The following ACCSL variants were observed in gnomAD, a reference collection of about 807,000 sequenced individuals.
The protein encoded by ACCSL is probable inactive 1-aminocyclopropane-1-carboxylate synthase-like protein 2.
ACCSL carries 55 observed loss-of-function variants against 61.7 expected under a neutral mutation model. The observed-to-expected ratio is 0.89, with a 90% CI of 0.72 to 1.12. The LOEUF (loss-of-function observed/expected upper bound fraction) is 1.12. ACCSL is among the 50% of genes most tolerant of loss of function. ACCSL has a pLI of 0.00. For missense variants in ACCSL, 632 were observed against 698.0 expected, an observed-to-expected ratio of 0.91 and a Z score of 1.07; for synonymous variants, 258 against 264.3, an observed-to-expected ratio of 0.98 and a Z score of 0.23.
the ACCSL span, among the ~76,000 whole-genome samples, chr11:43,932,328 C>T: frequency 6.6e-6 from 1 of 152,074 alleles, no homozygotes; most frequent in Non-Finnish European, 1.5e-5. Context: ...AGTGCAGTGG[C>T]ACAGTCTCAG....
the ACCSL span, among the ~76,000 whole-genome samples, chr11:43,990,998 G>A: frequency 3.3e-5 from 5 of 152,014 alleles, no homozygotes; most frequent in African/African-American, 1.2e-4. Flanking sequence ...TTGAACCCGG[G>A]TAGCAGAGGC....
the ACCSL span, among the ~76,000 whole-genome samples, chr11:43,971,203 C>T: frequency 1.5e-4 from 23 of 149,938 alleles, no homozygotes; most frequent in African/African-American, 5.7e-4. Context: ...CATGGTGGCA[C>T]ATGCCTATAG....
chr11:43,926,755 T>G, the ACCSL span, among the ~76,000 whole-genome samples: 1 of 152,226 alleles, frequency 6.6e-6, no homozygotes, highest in Non-Finnish European at 1.5e-5. Flanking sequence ...CATTGGTGTG[T>G]GTGTGTTTGT....
At chr11:44,040,468 G>T in the ACCSL span, among the ~76,000 whole-genome samples, 1 of 152,070 alleles carries the variant, frequency 6.6e-6, no homozygotes, top group African/African-American at 2.4e-5. Context: ...TAGGTAATAG[G>T]GAATTCCTGG....
the ACCSL span, among the ~76,000 whole-genome samples, chr11:44,012,305 A>G: frequency 1.3e-5 from 2 of 149,238 alleles, no homozygotes; most frequent in African/African-American, 4.9e-5. Context: ...TTTTTTTTTG[A>G]GATAGAGTTT....
the ACCSL span, among the ~76,000 whole-genome samples, chr11:43,942,067 T>C: frequency 2.2e-3 from 303 of 140,690 alleles, no homozygotes; most frequent in African/African-American, 7.7e-3. Context: ...TGTGTGTGTG[T>C]GTGTGTGTGC....
the ACCSL span, among the ~76,000 whole-genome samples, chr11:43,952,594 G>C: frequency 2.2e-4 from 33 of 152,246 alleles, no homozygotes; most frequent in East Asian, 5.0e-3. Flanking sequence ...GGTGCATGCA[G>C]CCCCCAGTCA....
chr11:44,006,132 G>A, the ACCSL span, among the ~76,000 whole-genome samples: 1 of 152,184 alleles, frequency 6.6e-6, no homozygotes, highest in South Asian at 2.1e-4. Context: ...AAAGAACTGG[G>A]CCAGTCCCAG....
the ACCSL span, among the ~76,000 whole-genome samples, chr11:44,013,421 A>C: frequency 4.6e-5 from 7 of 152,092 alleles, no homozygotes; most frequent in African/African-American, 1.7e-4. Context: ...CCTGGATTAC[A>C]GGTGCCCACC....
In ACCSL at chr11:44,052,056, A is replaced by C. The variant is rs74507956; in HGVS notation, c.772+337A>C. Among the ~76,000 whole-genome samples the C allele has an allele frequency of 8.0e-3, 1,226 of 152,332 alleles. 19 individuals carry two copies. The highest frequency in any genetic ancestry group is 0.029 in the African/African-American group (1,185 of 41,562). ...TGGACTCAGACAATATAGATTTCTT[A>C]TCTCTTCAGAAAAAGGCTAATTAGT... On this transcript the variant is annotated intron_variant, in intron 5 of 13. Coordinates refer to ENST00000378832, the MANE Select transcript of ACCSL (RefSeq NM_001031854.2).
In ACCSL at chr11:44,048,394, G is replaced by T. The variant is rs1215877798; in HGVS notation, c.358G>T (p.Val120Phe). The T allele has an allele frequency of 1.1e-5, 17 of 1,614,074 alleles. No homozygotes were observed. The highest frequency in any genetic ancestry group is 1.4e-5 in the Non-Finnish European group (16 of 1,180,044). The change falls in exon 1 of 14, where the codon GTT (valine) becomes TTT (phenylalanine). Residue 120 changes from valine to phenylalanine, a missense_variant. By Grantham distance (50) the Val-to-Phe change is conservative (BLOSUM62 -1). Transcript: ENST00000378832. Reference protein sequence around the residue: ...RAQLSGQPDPVPQLSDCEAAF... With the variant: ...RAQLSGQPDPFPQLSDCEAAF... Reference sequence around the variant, plus strand: ...CCAACTCTCTGGGCAGCCTGATCCAGTTCCCCAACTGAGTGATTGTGAAGC... The same window carrying T: ...CCAACTCTCTGGGCAGCCTGATCCATTTCCCCAACTGAGTGATTGTGAAGC...
At chr11:43,980,812 T>C in the ACCSL span, among the ~76,000 whole-genome samples, 1 of 152,108 alleles carries the variant, frequency 6.6e-6, no homozygotes, top group Non-Finnish European at 1.5e-5. Flanking sequence ...ACATGAATTA[T>C]CTCATTCAAT....
the ACCSL span, among the ~76,000 whole-genome samples, chr11:44,016,931 A>C: frequency 6.6e-6 from 1 of 152,126 alleles, no homozygotes; most frequent in Non-Finnish European, 1.5e-5. Flanking sequence ...CCCCTCCAGC[A>C]CTGAGAATCT....
the ACCSL span, among the ~76,000 whole-genome samples, chr11:43,986,578 C>T: frequency 5.8e-3 from 888 of 152,288 alleles, 12 homozygotes; most frequent in African/African-American, 0.021. Context: ...CACTCCAGGG[C>T]TCTTGCACCT....
At chr11:44,043,767 T>C (rs1272379622), upstream of ACCSL, among the ~76,000 whole-genome samples, 3 of 152,350 alleles carry the variant, frequency 2.0e-5, no homozygotes, top group Admixed American at 6.5e-5. Context: ...CAGCCTCTTC[T>C]TCCAGGTTAG....
At chr11:44,043,176 G>A (rs951940310), upstream of ACCSL, among the ~76,000 whole-genome samples, 1 of 152,170 alleles carries the variant, frequency 6.6e-6, no homozygotes, top group Non-Finnish European at 1.5e-5. Context: ...AGATTCATAA[G>A]TATACCGTTT....
Position 44,057,689 on chromosome 11 carries a change from G to A in ACCSL, c.1328-628G>A, listed in dbSNP as rs11037848. Among the ~76,000 whole-genome samples, 865 of 148,906 alleles carry A rather than the reference G, an allele frequency of 5.8e-3. 8 individuals are homozygous for A. Among genetic ancestry groups the A allele is most frequent in the East Asian group, 0.034 (169 of 5,000 alleles). On this transcript the variant is annotated intron_variant, in intron 11 of 13. Transcript: ENST00000378832. ...CGGGTGGTAGGAGCTGCGAGTCCCT[G>A]CTGCTTGCCCAGTTAACAACAACAG... is the stretch of plus-strand genomic sequence containing the variant.
chr11:44,015,726 A>G, the ACCSL span, among the ~76,000 whole-genome samples: 1 of 152,164 alleles, frequency 6.6e-6, no homozygotes, highest in Non-Finnish European at 1.5e-5. Context: ...TCCCAGCAGG[A>G]TGGTGTACTA....
At chr11:43,940,412 G>C in the ACCSL span, among the ~76,000 whole-genome samples, 1 of 150,892 alleles carries the variant, frequency 6.6e-6, no homozygotes, top group East Asian at 2.0e-4. Context: ...CTGGTGTGCA[G>C]TGGCGCAATC....
Sources: allele counts gnomAD v4.1 joint callset (sites outside exome capture counted in the v4.1 genomes callset), GRCh38; gene constraint gnomAD v4.1.1; transcripts MANE v1.5; gene names NCBI Gene and HGNC (gene_info 2026-07-23, HGNC 2026-07-21).